Variants in FUT9 observed in about 807,000 individuals in gnomAD.
FUT9 encodes the protein fucosyltransferase 9, also known as 4-galactosyl-N-acetylglucosaminide 3-alpha-L-fucosyltransferase 9.
Under a neutral mutation model 29.7 loss-of-function variants are expected in FUT9, and 15 were observed. That is an observed-to-expected ratio of 0.51 (90% CI 0.34 to 0.78). The LOEUF is 0.78. Among genes scored for constraint, FUT9 ranks in the 30% least tolerant of loss-of-function variants. The pLI is 0.01. For missense variants in FUT9, 319 were observed against 425.4 expected (o/e 0.75, Z 2.20); for synonymous variants, 169 against 153.7 (o/e 1.10, Z -0.74).
chr6:96,190,327 GCTGCCC>G (rs1434991963), intron 2 of FUT9, among the ~76,000 whole-genome samples: 51 of 152,070 alleles, frequency 3.4e-4, no homozygotes, highest in Admixed American at 2.8e-3. Flanking sequence ...TTTCTCTCTG[GCTGCCC>G]TTAACATTTT....
intron 1 of FUT9, among the ~76,000 whole-genome samples, chr6:96,084,688 T>C (rs1021460653): frequency 6.6e-6 from 1 of 152,076 alleles, no homozygotes; most frequent in African/African-American, 2.4e-5. Context: ...GTGGACAAGA[T>C]CTTGACATAC....
chr6:96,204,464 A>T lies in FUT9; in HGVS notation c.*229A>T, dbSNP rs1773790167. ...ACCTAATTATGTGCACTGGAGAGTAATTTATTCTTCATTATCATTTGTAAA... is the reference window on the plus strand; with the variant it reads ...ACCTAATTATGTGCACTGGAGAGTATTTTATTCTTCATTATCATTTGTAAA... On this transcript the variant is annotated 3_prime_UTR_variant, in exon 3 of 3. Transcript: ENST00000302103. The T allele has an allele frequency of 6.3e-6, 2 of 315,350 alleles. No individual in the cohort carries two copies. The highest frequency in any genetic ancestry group is 1.2e-5 in the Non-Finnish European group (2 of 164,474). 19.5% of individuals were successfully genotyped at this position (315,350 alleles called of 1,614,324 possible). A position where few individuals can be genotyped will look rare whatever the true frequency, so the allele number is the denominator to read the frequency against.
At chr6:96,106,469 G>A (rs1582233984) in intron 1 of FUT9, among the ~76,000 whole-genome samples, 1 of 151,984 alleles carries the variant, frequency 6.6e-6, no homozygotes, top group Non-Finnish European at 1.5e-5. Context: ...TCTGACCCTG[G>A]CCTACTTTCC....
intron 1 of FUT9, among the ~76,000 whole-genome samples, chr6:96,107,724 A>G (rs1771718596): frequency 6.6e-6 from 1 of 152,176 alleles, no homozygotes; most frequent in Admixed American, 6.5e-5. Context: ...AGTGTTACTA[A>G]TTCTGTCGCC....
intron 1 of FUT9, among the ~76,000 whole-genome samples, chr6:96,096,274 A>G (rs12200496): frequency 0.14 from 21,172 of 152,010 alleles, 1,692 homozygotes; most frequent in Non-Finnish European, 0.16. Context: ...TTCTGAATTG[A>G]AGTTTTCCAG....
At chr6:96,128,934 G>A (rs1330361666) in intron 2 of FUT9, among the ~76,000 whole-genome samples, 1 of 151,866 alleles carries the variant, frequency 6.6e-6, no homozygotes, top group Non-Finnish European at 1.5e-5. Context: ...AGATCAGCCT[G>A]CGCAACATGG....
intron 1 of FUT9, among the ~76,000 whole-genome samples, chr6:96,032,126 A>T (rs1056703051): frequency 1.3e-5 from 2 of 151,378 alleles, no homozygotes; most frequent in Non-Finnish European, 1.5e-5. Flanking sequence ...TAGGACTTTT[A>T]AAAAAAATCC....
chr6:96,126,062 C>G (rs1482757450), intron 2 of FUT9, among the ~76,000 whole-genome samples: 1 of 152,162 alleles, frequency 6.6e-6, no homozygotes. Context: ...TCCTCTTCTA[C>G]CCCCAATAGT....
At chr6:96,045,329 A>C (rs1211906708) in intron 1 of FUT9, among the ~76,000 whole-genome samples, 3 of 152,224 alleles carry the variant, frequency 2.0e-5, no homozygotes, top group African/African-American at 7.2e-5. Context: ...AAGTTGAAGT[A>C]TAAGGGAATA....
At chr6:96,093,144 C>T (rs1368708887) in intron 1 of FUT9, among the ~76,000 whole-genome samples, 1 of 152,060 alleles carries the variant, frequency 6.6e-6, no homozygotes, top group African/African-American at 2.4e-5. Context: ...TAGTATCTAT[C>T]CTCCCATTAG....
chr6:96,159,460 G>A lies in FUT9; in HGVS notation c.-8-43688G>A, dbSNP rs528398344. ...AAATTAGAACATAAATTATTAAGAT[G>A]GGTTCTACAAGACCAAATGTATTGG... On this transcript the variant is annotated intron_variant, in intron 2 of 2. Coordinates refer to ENST00000302103, the MANE Select transcript of FUT9 (RefSeq NM_006581.4). Among the ~76,000 whole-genome samples the A allele has an allele frequency of 2.0e-5, 3 of 152,180 alleles. No homozygotes were observed. The East Asian group carries it at 5.8e-4, about 29-fold the overall frequency.
intron 1 of FUT9, among the ~76,000 whole-genome samples, chr6:96,107,386 T>C (rs879364834): frequency 3.3e-5 from 5 of 152,214 alleles, no homozygotes; most frequent in African/African-American, 9.6e-5. Flanking sequence ...ATTTACGATA[T>C]ACTGTCTCTC....
chr6:96,059,113 T>C (rs796936961), intron 1 of FUT9, among the ~76,000 whole-genome samples: 34 of 152,328 alleles, frequency 2.2e-4, no homozygotes, highest in African/African-American at 8.2e-4. Context: ...ATTTGAAGAA[T>C]GTTGATATAA....
In FUT9 at chr6:96,213,473, G is replaced by A. The variant is rs562083909; in HGVS notation, c.*9238G>A. On this transcript the variant is annotated 3_prime_UTR_variant, in exon 3 of 3. Coordinates refer to ENST00000302103, the MANE Select transcript of FUT9 (RefSeq NM_006581.4). ...TGGTAATTGTATGTTTTATTAATGT[G>A]ATGTAATTTTGCACTATTGTATTGT... 6.0e-6 allele frequency: 1 copy of A among 166,906 alleles called. No individual in the cohort carries two copies. Among genetic ancestry groups the A allele is most frequent in the African/African-American group, 2.4e-5 (1 of 41,526 alleles). 10.3% of individuals were successfully genotyped at this position (166,906 alleles called of 1,614,324 possible).
chr6:96,020,505 A>G (rs889455010), intron 1 of FUT9, among the ~76,000 whole-genome samples: 7 of 152,088 alleles, frequency 4.6e-5, no homozygotes, highest in Non-Finnish European at 1.0e-4. Flanking sequence ...CCACAGATGA[A>G]AATCCTGGCA....
chr6:96,086,073 T>C (rs1017836629), intron 1 of FUT9, among the ~76,000 whole-genome samples: 1 of 152,184 alleles, frequency 6.6e-6, no homozygotes, highest in Non-Finnish European at 1.5e-5. Flanking sequence ...AATTATGCCA[T>C]GACAACATCA....
chr6:96,151,062 A>C (rs1772666515), intron 2 of FUT9, among the ~76,000 whole-genome samples: 2 of 152,224 alleles, frequency 1.3e-5, no homozygotes, highest in South Asian at 4.1e-4. Flanking sequence ...TAGAATGCTA[A>C]TTGATACTTT....
rs1219300334 is a variant in FUT9 at position 96,209,008 on chromosome 6, A to G, written c.*4773A>G. The G allele has an allele frequency of 1.2e-5, 2 of 166,782 alleles. No homozygotes were observed. The highest frequency in any genetic ancestry group is 4.8e-5 in the African/African-American group (2 of 41,408). 10.3% of individuals were successfully genotyped at this position (166,782 alleles called of 1,614,324 possible). On this transcript the variant is annotated 3_prime_UTR_variant, in exon 3 of 3. Coordinates refer to ENST00000302103, the MANE Select transcript of FUT9 (RefSeq NM_006581.4). The stretch of plus-strand genomic sequence containing the variant: ...CCCTTTAGTAATTCATATTGAATAT[A>G]TCCATATTCATATGCATTTTATAAA...
intron 1 of FUT9, among the ~76,000 whole-genome samples, chr6:96,053,292 C>G (rs1258358608): frequency 6.6e-6 from 1 of 151,976 alleles, no homozygotes; most frequent in Non-Finnish European, 1.5e-5. Context: ...AACTTTAAAT[C>G]TATTGTATCC....
Sources: gnomAD v4.1 joint callset for allele counts (sites outside exome capture counted in the v4.1 genomes callset) on GRCh38, gnomAD v4.1.1 for gene constraint, MANE v1.5 for transcripts, NCBI Gene and HGNC (gene_info 2026-07-23, HGNC 2026-07-21) for gene names.